Variants in ADGRV1 observed in about 807,000 individuals in gnomAD.
ADGRV1 encodes G-protein coupled receptor 98.
In ADGRV1, 359 loss-of-function variants were observed where a neutral mutation model predicts 596.2. The observed-to-expected ratio is 0.60, with a 90% CI of 0.55 to 0.66. The LOEUF is 0.66. ADGRV1 is among the 30% of genes least tolerant of loss of function. The pLI is 0.00. For missense variants in ADGRV1, 7,274 were observed against 7,575.6 expected (o/e 0.96, Z 1.48); for synonymous variants, 2,681 against 2,679.2 (o/e 1.00, Z -0.02).
chr5:91,142,406 G>A (rs1029495029), intron 87 of ADGRV1, among the ~76,000 whole-genome samples: 4 of 152,170 alleles, frequency 2.6e-5, no homozygotes, highest in Admixed American at 2.0e-4. Context: ...TAATTTGAAT[G>A]GAGATTTCAT....
intron 87 of ADGRV1, among the ~76,000 whole-genome samples, chr5:91,125,503 G>A (rs1057107393): frequency 2.0e-5 from 3 of 152,142 alleles, no homozygotes; most frequent in African/African-American, 7.2e-5. Flanking sequence ...GAATCCAGGC[G>A]ACACTAGTCT....
chr5:90,610,930 A>G (rs1371985957), intron 1 of ADGRV1, among the ~76,000 whole-genome samples: 2 of 151,966 alleles, frequency 1.3e-5, no homozygotes. Context: ...ACTTGCCCCA[A>G]TTATCACAAT....
chr5:91,108,596 A>T (rs1168790213), intron 87 of ADGRV1, among the ~76,000 whole-genome samples: 1 of 150,908 alleles, frequency 6.6e-6, no homozygotes, highest in East Asian at 2.0e-4. Flanking sequence ...CTTTCTCTAC[A>T]GTCTTTTTTT....
chr5:90,873,853 T>C (rs1768953530), intron 83 of ADGRV1, among the ~76,000 whole-genome samples: 1 of 152,144 alleles, frequency 6.6e-6, no homozygotes, highest in Non-Finnish European at 1.5e-5. Context: ...AATGCTTTTC[T>C]ACTGTCTGTT....
intron 87 of ADGRV1, among the ~76,000 whole-genome samples, chr5:91,131,615 C>G (rs1449905460): frequency 1.3e-5 from 2 of 151,588 alleles, no homozygotes. Flanking sequence ...CATGCCCGGC[C>G]TTTGTGCAAT....
At chr5:90,601,197 G>A (rs1022276906) in intron 1 of ADGRV1, among the ~76,000 whole-genome samples, 22 of 150,786 alleles carry the variant, frequency 1.5e-4, no homozygotes, top group African/African-American at 4.4e-4. Context: ...AGATCACGCC[G>A]TTGCACTCCA....
At chr5:90,824,937 CT>C (rs543082259) in intron 76 of ADGRV1, among the ~76,000 whole-genome samples, 5 of 149,508 alleles carry the variant, frequency 3.3e-5, no homozygotes, top group East Asian at 2.0e-4. Context: ...CCCCATATTT[CT>C]TTTTTTTTTC....
intron 1 of ADGRV1, among the ~76,000 whole-genome samples, chr5:90,564,087 A>C (rs1436866206): frequency 6.6e-6 from 1 of 152,238 alleles, no homozygotes; most frequent in Non-Finnish European, 1.5e-5. Flanking sequence ...TGTTTAACTG[A>C]AAGAAGGCAT....
At chr5:91,024,210 AC>A (rs1477892264) in intron 85 of ADGRV1, among the ~76,000 whole-genome samples, 3 of 152,060 alleles carry the variant, frequency 2.0e-5, no homozygotes, top group African/African-American at 4.8e-5. Context: ...TTGTATGGCC[AC>A]CCTGTCTAGT....
chr5:90,783,854 A>C lies in ADGRV1; in HGVS notation c.13450A>C (p.Ile4484Leu). The change falls in exon 67 of 90, where the codon ATT becomes CTT. Residue 4484 changes from isoleucine (I) to leucine (L), a missense_variant. Around this residue, in one of 5 missense-constraint regions of ADGRV1, gnomAD observed 3,643 missense variants for 3,809.2 expected, o/e 0.96. Transcript: ENST00000405460. ...DDNESEFEEP[I>L]EILLTGATGG... Reference sequence around the variant, plus strand: ...GCCATGCAGTGAATTTGAGGAGCCCATTGAAATTCTACTCACTGGAGCTAC... The same window carrying C: ...GCCATGCAGTGAATTTGAGGAGCCCCTTGAAATTCTACTCACTGGAGCTAC... The C allele has an allele frequency of 1.2e-6, 2 of 1,607,324 alleles. No homozygotes were observed. Among genetic ancestry groups the C allele is most frequent in the East Asian group, 2.2e-5 (1 of 44,716 alleles).
chr5:90,958,905 T>C (rs929930709), intron 83 of ADGRV1, among the ~76,000 whole-genome samples: 1 of 152,186 alleles, frequency 6.6e-6, no homozygotes, highest in African/African-American at 2.4e-5. Context: ...ACTGAATGCT[T>C]TCCCCCTAAA....
At chr5:90,918,976 C>T (rs117820846) in intron 83 of ADGRV1, among the ~76,000 whole-genome samples, 2 of 152,312 alleles carry the variant, frequency 1.3e-5, no homozygotes, top group East Asian at 3.9e-4. Flanking sequence ...CTGCCTGATG[C>T]ATCTCATACA....
chr5:90,836,515 T>G (rs1351117712), intron 77 of ADGRV1, among the ~76,000 whole-genome samples: 1 of 152,114 alleles, frequency 6.6e-6, no homozygotes, highest in Non-Finnish European at 1.5e-5. Context: ...ATAATATTAT[T>G]GAAATTACAA....
intron 49 of ADGRV1, among the ~76,000 whole-genome samples, chr5:90,729,191 GAT>G (rs1322674031): frequency 6.6e-6 from 1 of 152,126 alleles, no homozygotes; most frequent in Non-Finnish European, 1.5e-5. Flanking sequence ...AAAGTTGAAA[GAT>G]ACATGAATAT....
intron 83 of ADGRV1, chr5:90,929,592 C>G (rs1009627033): frequency 4.5e-5 from 7 of 155,000 alleles, no homozygotes; most frequent in Non-Finnish European, 8.5e-5. Flanking sequence ...CACCTGGCTT[C>G]TGCGTCACTC....
At chr5:90,696,031 A>G (rs891118380) in intron 33 of ADGRV1, among the ~76,000 whole-genome samples, 1 of 152,192 alleles carries the variant, frequency 6.6e-6, no homozygotes, top group Non-Finnish European at 1.5e-5. Flanking sequence ...AGATTCTTAG[A>G]TAATGCAGAC....
rs760297271 is a variant in ADGRV1 at position 90,985,564 on chromosome 5, C to T, written c.18152+42C>T. On this transcript the variant is annotated intron_variant, in intron 85 of 89. Transcript: ENST00000405460. ...AACACATTGCCCTAGCTTTCATGTA[C>T]CTAAGCAGATTTCGTTGCCATAAGA... 8.0e-6 allele frequency: 12 copies of T among 1,507,852 alleles called. No homozygotes were observed. The South Asian group carries it at 1.3e-4, about 16-fold the overall frequency. The allele number at this position is 1,507,852 out of a possible 1,614,324, so 93.4% of individuals were successfully genotyped here.
At chr5:90,906,312 C>A (rs1772318586) in intron 83 of ADGRV1, among the ~76,000 whole-genome samples, 2 of 151,976 alleles carry the variant, frequency 1.3e-5, no homozygotes, top group African/African-American at 4.8e-5. Context: ...GGTATTAGTT[C>A]TTCTTTAAAT....
In ADGRV1 at chr5:90,756,447, C is replaced by T. The variant is rs1230761697; in HGVS notation, c.11581-7C>T. 3 of 1,384,652 alleles carry T rather than the reference C, an allele frequency of 2.2e-6. No homozygotes were observed. Among genetic ancestry groups the T allele is most frequent in the East Asian group, 2.7e-5 (1 of 37,450 alleles). 85.8% of individuals were successfully genotyped at this position (1,384,652 alleles called of 1,614,324 possible). A position where few individuals can be genotyped will look rare whatever the true frequency, so the allele number is the denominator to read the frequency against. On this transcript the variant is annotated splice_region_variant and splice_polypyrimidine_tract_variant and intron_variant, in intron 55 of 89. Coordinates refer to ENST00000405460, the MANE Select transcript of ADGRV1 (RefSeq NM_032119.4). ...ATGAAACACCATCTTTTTCCCCCATCCCCCAGGATGACCTTCCTGAATTGG... is the reference window on the plus strand; with the variant it reads ...ATGAAACACCATCTTTTTCCCCCATTCCCCAGGATGACCTTCCTGAATTGG...
Sources: gnomAD v4.1 joint callset for allele counts (sites outside exome capture counted in the v4.1 genomes callset) on GRCh38, gnomAD v4.1.1 for gene constraint, gnomAD v4.1.1 regional missense constraint, MANE v1.5 for transcripts, NCBI Gene and HGNC (gene_info 2026-07-23, HGNC 2026-07-21) for gene names.